ADAMTS17: variants seen among roughly 807,000 people sequenced by gnomAD.
ADAMTS17 encodes the protein ADAM metallopeptidase with thrombospondin type 1 motif 17.
In ADAMTS17, 113 loss-of-function variants were observed where a neutral mutation model predicts 141.5. That is an observed-to-expected ratio of 0.80 (90% confidence interval 0.69 to 0.93). The LOEUF (loss-of-function observed/expected upper bound fraction) is 0.93, where lower values mean the gene tolerates loss of function less well. Ranked by LOEUF, ADAMTS17 falls within the 40% of genes least tolerant of loss-of-function variation. ADAMTS17 has a pLI of 0.00. For synonymous variants in ADAMTS17, 768 were observed against 630.6 expected (o/e 1.22, Z -3.27); for missense variants, 1,659 against 1,517.9 (o/e 1.09, Z -1.54).
At chr15:100,079,047 CA>C (rs1406396690) in intron 15 of ADAMTS17, among the ~76,000 whole-genome samples, 3 of 152,152 alleles carry the variant, frequency 2.0e-5, no homozygotes, top group Non-Finnish European at 1.5e-5. Context: ...ATGACTCTAA[CA>C]AAAAACAGTA....
chr15:100,152,345 G>A (rs1330824831), intron 10 of ADAMTS17, among the ~76,000 whole-genome samples: 3 of 152,154 alleles, frequency 2.0e-5, no homozygotes, highest in Non-Finnish European at 4.4e-5. Context: ...GTGGGGGACT[G>A]TGTGTAGATG....
chr15:100,147,004 CTGT>C, intron 10 of ADAMTS17, among the ~76,000 whole-genome samples: 1 of 152,260 alleles, frequency 6.6e-6, no homozygotes, highest in East Asian at 1.9e-4. Context: ...CACCCCGGTC[CTGT>C]GGTCCTGTGA....
intron 20 of ADAMTS17, among the ~76,000 whole-genome samples, chr15:99,984,712 G>A (rs1189541285): frequency 6.6e-6 from 1 of 152,206 alleles, no homozygotes; most frequent in Admixed American, 6.5e-5. Context: ...CAGTAGGGCT[G>A]GGTTGTGAAC....
At chr15:99,996,889 A>C (rs2060812886) in intron 19 of ADAMTS17, among the ~76,000 whole-genome samples, 1 of 152,198 alleles carries the variant, frequency 6.6e-6, no homozygotes, top group African/African-American at 2.4e-5. Context: ...CAACCTTCAA[A>C]GTTAAGACTT....
chr15:100,045,948 T>C (rs1422765159), intron 18 of ADAMTS17, among the ~76,000 whole-genome samples: 2 of 152,194 alleles, frequency 1.3e-5, no homozygotes, highest in Non-Finnish European at 2.9e-5. Context: ...TGGTGTGATC[T>C]CAGCTCACTG....
At chr15:100,077,253 G>T (rs923508352) in intron 15 of ADAMTS17, among the ~76,000 whole-genome samples, 3 of 130,222 alleles carry the variant, frequency 2.3e-5, no homozygotes, top group African/African-American at 8.9e-5. Context: ...CAACCAGCCT[G>T]GCCAACATGG....
chr15:100,124,899 A>C (rs2037649357), intron 12 of ADAMTS17, among the ~76,000 whole-genome samples: 1 of 152,206 alleles, frequency 6.6e-6, no homozygotes, highest in South Asian at 2.1e-4. Context: ...AGAAGCAGCA[A>C]AGGTTTGCTG....
chr15:100,132,769 C>G (rs1361105175), intron 11 of ADAMTS17, among the ~76,000 whole-genome samples: 1 of 152,172 alleles, frequency 6.6e-6, no homozygotes, highest in Non-Finnish European at 1.5e-5. Context: ...GGCTGCAGAT[C>G]CCGAACACCC....
At chr15:100,107,722 G>C (rs530230798) in intron 14 of ADAMTS17, among the ~76,000 whole-genome samples, 1 of 152,222 alleles carries the variant, frequency 6.6e-6, no homozygotes, top group African/African-American at 2.4e-5. Context: ...AAGAAACACT[G>C]TCTATGATAA....
intron 3 of ADAMTS17, among the ~76,000 whole-genome samples, chr15:100,292,159 C>T (rs536428002): frequency 6.6e-5 from 10 of 151,228 alleles, no homozygotes; most frequent in African/African-American, 2.4e-4. Flanking sequence ...ACACGCTCAC[C>T]CCGTGGGAAA....
chr15:100,316,245 G>A (rs2045561923), intron 3 of ADAMTS17, among the ~76,000 whole-genome samples: 1 of 152,156 alleles, frequency 6.6e-6, no homozygotes, highest in Admixed American at 6.5e-5. Context: ...TGCCATAGCT[G>A]TGGTGGCAGT....
At chr15:100,108,964 A>G in intron 14 of ADAMTS17, 25 bp downstream of exon 14, 1 of 1,612,914 alleles carries the variant, frequency 6.2e-7, no homozygotes, top group East Asian at 2.2e-5. Context: ...AAGCCCCACC[A>G]AGGACCGAAG....
intron 18 of ADAMTS17, among the ~76,000 whole-genome samples, chr15:100,004,918 G>A (rs994779950): frequency 6.6e-6 from 1 of 152,158 alleles, no homozygotes; most frequent in African/African-American, 2.4e-5. Context: ...ACCACACCCC[G>A]CTCATTTTTG....
At chr15:100,077,283 CAAA>C (rs71151934) in intron 15 of ADAMTS17, among the ~76,000 whole-genome samples, 32 of 54,598 alleles carry the variant, frequency 5.9e-4, no homozygotes, top group African/African-American at 1.8e-3. Flanking sequence ...ATCTCTACCA[CAAA>C]AAAAAAAAAA....
intron 7 of ADAMTS17, among the ~76,000 whole-genome samples, chr15:100,209,053 C>G (rs1320413162): frequency 7.2e-6 from 1 of 139,048 alleles, no homozygotes; most frequent in Non-Finnish European, 1.5e-5. Flanking sequence ...CCTCTTATAG[C>G]CGTATTTCTA....
intron 15 of ADAMTS17, among the ~76,000 whole-genome samples, chr15:100,080,931 A>T (rs1218112393): frequency 6.6e-6 from 1 of 152,180 alleles, no homozygotes; most frequent in African/African-American, 2.4e-5. Context: ...GTGTGTTCTC[A>T]GGAGATGTGT....
chr15:100,167,683 A>C (rs1424462429), intron 8 of ADAMTS17, among the ~76,000 whole-genome samples: 2 of 152,190 alleles, frequency 1.3e-5, no homozygotes, highest in Admixed American at 6.5e-5. Flanking sequence ...TCAGTTTCTA[A>C]TGAATTTAGT....
At chr15:100,305,230 A>C (rs1567514547) in intron 3 of ADAMTS17, among the ~76,000 whole-genome samples, 1 of 151,968 alleles carries the variant, frequency 6.6e-6, no homozygotes, top group Non-Finnish European at 1.5e-5. Flanking sequence ...TCCAGGTCTC[A>C]TTTATTTTAA....
At position 100,262,372 on chromosome 15, in the gene ADAMTS17, C is replaced by T. The variant is rs933268366; in HGVS notation, c.853G>A (p.Val285Ile). 3 of 1,613,976 alleles carry T rather than the reference C, an allele frequency of 1.9e-6. No homozygotes were observed. In the African/African-American group the frequency reaches 4.0e-5, roughly 22 times the overall value. Residue 285 changes from valine (V) to isoleucine (I), a missense_variant, in exon 5 of 22, where the codon GTC becomes ATC. By Grantham distance (29) the Val-to-Ile change is conservative. Coordinates refer to ENST00000268070, the MANE Select transcript of ADAMTS17 (RefSeq NM_139057.4). ...CTTACGGGACGTTGTCGTAGCAGGACAAGCTTGGTCACTTGAATGTTAATT... is the reference window on the plus strand; with the variant it reads ...CTTACGGGACGTTGTCGTAGCAGGATAAGCTTGGTCACTTGAATGTTAATT... ...IKINIQVTKLVLLRQRPAKLS... is the reference protein window; with the variant it reads ...IKINIQVTKLILLRQRPAKLS...
Sources: allele counts gnomAD v4.1 joint callset (sites outside exome capture counted in the v4.1 genomes callset), GRCh38; gene constraint gnomAD v4.1.1; transcripts MANE v1.5; gene names NCBI Gene and HGNC (gene_info 2026-07-23, HGNC 2026-07-21).